The following FBN2 variants were observed in gnomAD, a reference collection of about 807,000 sequenced individuals.
The protein encoded by FBN2 is fibrillin-2.
FBN2 carries 105 observed loss-of-function variants against 355.6 expected under a neutral mutation model. The observed-to-expected ratio is 0.30, with a 90% CI of 0.25 to 0.35. The LOEUF (loss-of-function observed/expected upper bound fraction) is 0.35, where lower values mean the gene tolerates loss of function less well. Ranked by LOEUF, FBN2 falls within the 10% of genes least tolerant of loss-of-function variation. The probability of loss-of-function intolerance (pLI) is 1.00; values close to 1 mark genes in which losing one functional copy is unlikely to be tolerated. For missense variants in FBN2, 3,280 were observed against 3,758.7 expected, an observed-to-expected ratio of 0.87 and a Z score of 3.33; for synonymous variants, 1,350 against 1,301.2, an observed-to-expected ratio of 1.04 and a Z score of -0.81.
intron 5 of FBN2, among the ~76,000 whole-genome samples, chr5:128,476,878 A>G (rs998646596): frequency 6.6e-6 from 1 of 152,214 alleles, no homozygotes; most frequent in Admixed American, 6.5e-5. Flanking sequence ...TGTCTTCCAC[A>G]GTGTGAAAGT....
At chr5:128,341,472 C>A (rs1228318702) in intron 25 of FBN2, among the ~76,000 whole-genome samples, 2 of 152,140 alleles carry the variant, frequency 1.3e-5, no homozygotes, top group Non-Finnish European at 2.9e-5. Context: ...GGACTTACTC[C>A]CCCTCCCCGT....
At position 128,349,358 on chromosome 5, in the gene FBN2, C is replaced by T. The variant is rs774483323; in HGVS notation, c.2978G>A (p.Arg993His). ...PEGLTLDGTGRVCLDIRMEQC... is the reference protein window; with the variant it reads ...PEGLTLDGTGHVCLDIRMEQC... ...GGTGTGAATCTTACCCAAACATACA[C>T]GGCCAGTCCCATCCAACGTAAGGCC... is the stretch of plus-strand genomic sequence containing the variant. The change falls in exon 23 of 65, where the codon CGT becomes CAT. Residue 993 changes from arginine to histidine, a missense_variant. Arg to His is a conservative substitution (Grantham distance 29). Around this residue, in one of 6 missense-constraint regions of FBN2, gnomAD observed 2,284 missense variants for 2,749.5 expected, o/e 0.83. Transcript: ENST00000262464. 99 of 1,614,072 alleles carry T rather than the reference C, an allele frequency of 6.1e-5. No individual in the cohort carries two copies. Among genetic ancestry groups the T allele is most frequent in the South Asian group, 4.9e-4 (45 of 91,074 alleles).
chr5:128,530,579 C>T lies in FBN2; in HGVS notation c.436+16G>A, dbSNP rs372098570. 6.0e-4 allele frequency: 936 copies of T among 1,569,904 alleles called. 8 individuals carry two copies. Among genetic ancestry groups the T allele is most frequent in the Middle Eastern group, 5.0e-4 (3 of 5,984 alleles). ...TAAGAAAAATGCAGTGAAAAGGCCA[C>T]AAGTAAGAAACATACTTGATTTTGA... is the stretch of plus-strand genomic sequence containing the variant. On this transcript the variant is annotated intron_variant, in intron 3 of 64. Transcript: ENST00000262464.
intron 34 of FBN2, among the ~76,000 whole-genome samples, chr5:128,327,696 TG>T (rs1388417379): frequency 6.6e-6 from 1 of 152,006 alleles, no homozygotes; most frequent in African/African-American, 2.4e-5. Flanking sequence ...TGTAGTGCAA[TG>T]GCGCAATCTT....
rs1305289444 is a variant in FBN2 at position 128,296,231 on chromosome 5, T to C, written c.6167-4577A>G. Reference sequence around the variant, plus strand: ...AAGCTTTTTGATGTGCTGCTGGATTTGGTTTGCCAGTATTTTATTGAGGAT... The same window carrying C: ...AAGCTTTTTGATGTGCTGCTGGATTCGGTTTGCCAGTATTTTATTGAGGAT... On this transcript the variant is annotated intron_variant, in intron 48 of 64. Transcript: ENST00000262464. 6.6e-5 allele frequency among the ~76,000 whole-genome samples: 10 copies of C among 150,722 alleles called. No homozygotes were observed. The South Asian group carries it at 1.3e-3, about 19-fold the overall frequency.
intron 25 of FBN2, among the ~76,000 whole-genome samples, chr5:128,341,852 C>G (rs531846747): frequency 2.0e-4 from 30 of 152,304 alleles, no homozygotes; most frequent in Admixed American, 1.2e-3. Context: ...GAAGAAATAT[C>G]ACAGGTAATT....
In FBN2 at chr5:128,269,712, C is replaced by A. The variant is rs183450320; in HGVS notation, c.7960+2287G>T. Among the ~76,000 whole-genome samples, 82 of 152,208 alleles carry A rather than the reference C, an allele frequency of 5.4e-4. 1 individual carries two copies. Among genetic ancestry groups the A allele is most frequent in the African/African-American group, 1.4e-3 (57 of 41,512 alleles). On this transcript the variant is annotated intron_variant, in intron 62 of 64. Transcript: ENST00000262464. ...TTTCAAGGAGAACTACAAACCACTG[C>A]CCAAGGAAATAAGAGAGGACACAAA...
intron 48 of FBN2, among the ~76,000 whole-genome samples, chr5:128,295,354 T>G (rs1488011592): frequency 2.0e-5 from 3 of 151,628 alleles, no homozygotes; most frequent in Admixed American, 2.0e-4. Context: ...TTAAAGTAGT[T>G]TTTTCCAATT....
rs979118218 is a variant in FBN2, at chr5:128,395,332, A to G, written c.1079-58T>C. 2.5e-6 allele frequency: 4 copies of G among 1,582,826 alleles called. No homozygotes were observed. The African/African-American group carries it at 5.4e-5, about 21-fold the overall frequency. On this transcript the variant is annotated intron_variant, in intron 8 of 64. Coordinates refer to ENST00000262464, the MANE Select transcript of FBN2 (RefSeq NM_001999.4). Reference sequence around the variant, plus strand: ...CAGAATTACCTCAGGTTCTTACAACAATCACTGTACATGAGATGAATGTAG... The same window carrying G: ...CAGAATTACCTCAGGTTCTTACAACGATCACTGTACATGAGATGAATGTAG...
intron 14 of FBN2, among the ~76,000 whole-genome samples, chr5:128,375,335 C>T (rs1044762563): frequency 6.6e-6 from 1 of 152,148 alleles, no homozygotes; most frequent in African/African-American, 2.4e-5. Context: ...AAAGCAGAAA[C>T]TGGTGAGGTC....
Position 128,304,928 on chromosome 5 carries a change from C to T in FBN2, c.5800+29G>A, listed in dbSNP as rs375644046. The T allele has an allele frequency of 6.8e-6, 11 of 1,613,748 alleles. No homozygotes were observed. In the African/African-American group the frequency reaches 1.5e-4, roughly 22 times the overall value. The stretch of plus-strand genomic sequence containing the variant: ...CTGTTCTGGAACCCCAGCCCCACTT[C>T]ACTCCCTGGAGCCACATGCCCTTCT... On this transcript the variant is annotated intron_variant, in intron 45 of 64. Coordinates refer to ENST00000262464, the MANE Select transcript of FBN2 (RefSeq NM_001999.4).
chr5:128,502,218 C>T (rs1158139532), intron 5 of FBN2, among the ~76,000 whole-genome samples: 1 of 149,142 alleles, frequency 6.7e-6, no homozygotes, highest in Non-Finnish European at 1.5e-5. Flanking sequence ...AACGTTTCTC[C>T]AAAATTAAGG....
In FBN2 at chr5:128,344,455, A is replaced by G. The variant is rs116741030; in HGVS notation, c.3273T>C (p.Asn1091=). 282 of 1,613,402 alleles carry G rather than the reference A, an allele frequency of 1.7e-4. No homozygotes were observed. In the African/African-American group the frequency reaches 3.5e-3, roughly 20 times the overall value. The change falls in exon 25 of 65, where the codon AAT becomes AAC. Residue 1091 remains asparagine, a synonymous_variant. Coordinates refer to ENST00000262464, the MANE Select transcript of FBN2 (RefSeq NM_001999.4). The part of the protein sequence containing the change: ...PGMCTYGKCR[N]TIGSFKCRCN... ...AACGGCATTTGAAGCTTCCGATTGT[A>G]TTTCTGCACTTCCCATAAGTGCACA...
chr5:128,365,469 A>T (rs1239684815), intron 17 of FBN2: 1 of 152,144 alleles, frequency 6.6e-6, no homozygotes, highest in Non-Finnish European at 1.5e-5. Flanking sequence ...ATTGTTTTCA[A>T]TAATTTGGGA....
At chr5:128,287,187 G>T in intron 54 of FBN2, 121 bp downstream of exon 54, 1 of 1,188,656 alleles carries the variant, frequency 8.4e-7, no homozygotes, top group Non-Finnish European at 1.2e-6. Flanking sequence ...CTAGCAAAAT[G>T]CTGTCATATA....
intron 11 of FBN2, among the ~76,000 whole-genome samples, chr5:128,388,860 T>C (rs1433474432): frequency 6.6e-6 from 1 of 152,234 alleles, no homozygotes; most frequent in Non-Finnish European, 1.5e-5. Flanking sequence ...TACTCCAGAC[T>C]TCCTGAATTT....
chr5:128,444,258 G>C (rs996101170), intron 7 of FBN2, among the ~76,000 whole-genome samples: 1 of 150,884 alleles, frequency 6.6e-6, no homozygotes, highest in Non-Finnish European at 1.5e-5. Flanking sequence ...ATTTTTAGTA[G>C]AGACAGGGTT....
At chr5:128,316,827 C>A (rs1215889288) in intron 36 of FBN2, among the ~76,000 whole-genome samples, 1 of 152,078 alleles carries the variant, frequency 6.6e-6, no homozygotes, top group African/African-American at 2.4e-5. Context: ...CTGTTCACAG[C>A]CTTTGTTCCA....
At chr5:128,310,404 T>A (rs711381) in intron 39 of FBN2, among the ~76,000 whole-genome samples, 99 of 3,196 alleles carry the variant, frequency 0.031, no homozygotes, top group South Asian at 0.078. Flanking sequence ...ATATATATAT[T>A]TTTTTTTTTT....
Sources: gnomAD v4.1 joint callset for allele counts (sites outside exome capture counted in the v4.1 genomes callset) on GRCh38, gnomAD v4.1.1 for gene constraint, gnomAD v4.1.1 regional missense constraint, MANE v1.5 for transcripts, NCBI Gene and HGNC (gene_info 2026-07-23, HGNC 2026-07-21) for gene names.